Variants in ASCC3 observed in about 807,000 individuals in gnomAD.
ASCC3 encodes ASC-1 complex subunit P200.
In ASCC3, 158 loss-of-function variants were observed where a neutral mutation model predicts 256.3. The ratio of observed to expected loss-of-function variants is 0.62; its 90% CI spans 0.54 to 0.70. ASCC3 has a LOEUF of 0.70. Among genes scored for constraint, ASCC3 ranks in the 30% least tolerant of loss-of-function variants. ASCC3 has a pLI of 0.00. For missense variants in ASCC3, 2,259 were observed against 2,626.0 expected, an observed-to-expected ratio of 0.86 and a Z score of 3.05; for synonymous variants, 948 against 883.4, an observed-to-expected ratio of 1.07 and a Z score of -1.30.
At chr6:100,689,586 T>A (rs1191536453) in intron 13 of ASCC3, among the ~76,000 whole-genome samples, 2 of 152,192 alleles carry the variant, frequency 1.3e-5, no homozygotes, top group East Asian at 3.9e-4. Flanking sequence ...ATTGCTGAAA[T>A]TACAATGTTA....
At chr6:100,880,487 C>T (rs1769245278) in intron 1 of ASCC3, among the ~76,000 whole-genome samples, 1 of 152,188 alleles carries the variant, frequency 6.6e-6, no homozygotes, top group Non-Finnish European at 1.5e-5. Context: ...CACTGCATTC[C>T]ATGAGTAAGT....
chr6:100,861,567 G>A lies in ASCC3; in HGVS notation c.241+2497C>T, dbSNP rs530410829. Among the ~76,000 whole-genome samples the A allele has an allele frequency of 1.2e-3, 176 of 152,174 alleles. 1 individual carries two copies. Among genetic ancestry groups the A allele is most frequent in the African/African-American group, 3.4e-3 (140 of 41,528 alleles). On this transcript the variant is annotated intron_variant, in intron 3 of 41. Transcript: ENST00000369162. ...CCAGTATCAGCATTTTCATCCAGAA[G>A]GGACAGCTGACTACTACTCAACTTA... is the stretch of plus-strand genomic sequence containing the variant.
At chr6:100,619,122 G>A (rs1773817444) in intron 30 of ASCC3, among the ~76,000 whole-genome samples, 1 of 152,166 alleles carries the variant, frequency 6.6e-6, no homozygotes, top group Admixed American at 6.5e-5. Context: ...TTGTTCTATT[G>A]CCAGAATATA....
At chr6:100,824,402 C>A (rs1423470116) in intron 4 of ASCC3, among the ~76,000 whole-genome samples, 1 of 152,118 alleles carries the variant, frequency 6.6e-6, no homozygotes, top group Non-Finnish European at 1.5e-5. Flanking sequence ...AGACCTCATT[C>A]AAATGAGAAA....
intron 36 of ASCC3, among the ~76,000 whole-genome samples, chr6:100,576,578 G>A (rs570039603): frequency 1.4e-3 from 213 of 151,966 alleles, no homozygotes; most frequent in African/African-American, 4.8e-3. Context: ...ATTCAATTTC[G>A]TTATTTATAT....
intron 4 of ASCC3, among the ~76,000 whole-genome samples, chr6:100,844,555 C>T (rs1444452756): frequency 6.6e-6 from 1 of 152,010 alleles, no homozygotes; most frequent in Non-Finnish European, 1.5e-5. Flanking sequence ...AAGAAAATAA[C>T]ATGGAATATT....
At chr6:100,661,709 TA>T in intron 16 of ASCC3, 96 bp downstream of exon 16, 1 of 1,273,162 alleles carries the variant, frequency 7.9e-7, no homozygotes, top group Non-Finnish European at 1.1e-6. Context: ...GCTGTAATCC[TA>T]AACACTACAA....
intron 13 of ASCC3, among the ~76,000 whole-genome samples, chr6:100,684,842 T>C (rs1178936544): frequency 6.9e-6 from 1 of 144,596 alleles, no homozygotes; most frequent in Non-Finnish European, 1.5e-5. Context: ...AGTCTCCCTC[T>C]GTCACCCAGG....
In ASCC3 at chr6:100,510,053, C is replaced by G; in HGVS notation, c.6340G>C (p.Gly2114Arg). The G allele has an allele frequency of 6.2e-7, 1 of 1,614,154 alleles. No individual in the cohort carries two copies. ...TPRFPKSKDE[G>R]WFLILGEVDK... Reference sequence around the variant, plus strand: ...ACTTCTCCTAATATCAAAAACCATCCTTCGTCTTTTGATTTGGGAAATCGA... The same window carrying G: ...ACTTCTCCTAATATCAAAAACCATCGTTCGTCTTTTGATTTGGGAAATCGA... The change falls in exon 41 of 42, where the codon GGA becomes CGA. Residue 2114 changes from glycine (G) to arginine (R), a missense_variant. Physicochemically the swap from Gly to Arg is moderately radical, Grantham distance 125. Transcript: ENST00000369162.
chr6:100,800,255 C>A (rs779821536), intron 6 of ASCC3, 45 bp downstream of exon 6: 1 of 1,579,232 alleles, frequency 6.3e-7, no homozygotes, highest in Non-Finnish European at 8.7e-7. Flanking sequence ...TATGTAAAAG[C>A]AGCAATTACA....
intron 3 of ASCC3, among the ~76,000 whole-genome samples, chr6:100,851,547 C>CT (rs1208133916): frequency 9.9e-5 from 15 of 152,214 alleles, no homozygotes; most frequent in Admixed American, 3.9e-4. Context: ...CAAAGATCAA[C>CT]TTTTTTGGAG....
chr6:100,768,606 G>C (rs1781775547), intron 8 of ASCC3, among the ~76,000 whole-genome samples: 1 of 152,040 alleles, frequency 6.6e-6, no homozygotes, highest in Non-Finnish European at 1.5e-5. Flanking sequence ...ACATGCAAAG[G>C]GAAATAGGCA....
chr6:100,700,959 G>T (rs1226135395), intron 13 of ASCC3, among the ~76,000 whole-genome samples: 1 of 152,136 alleles, frequency 6.6e-6, no homozygotes, highest in Non-Finnish European at 1.5e-5. Context: ...TGTTGGGAAG[G>T]CATGATTGGT....
At position 100,640,802 on chromosome 6, in the gene ASCC3, C is replaced by T. The variant is rs147266197; in HGVS notation, c.3901+1779G>A. ...AATTAAGCCAAAGTATAAAGTATCTCTCTTTAAGATAAGCTAAGATAATGA... is the reference window on the plus strand; with the variant it reads ...AATTAAGCCAAAGTATAAAGTATCTTTCTTTAAGATAAGCTAAGATAATGA... On this transcript the variant is annotated intron_variant, in intron 24 of 41. Coordinates refer to ENST00000369162, the MANE Select transcript of ASCC3 (RefSeq NM_006828.4). Among the ~76,000 whole-genome samples the T allele has an allele frequency of 5.6e-4, 85 of 152,244 alleles. 1 individual carries two copies. Among genetic ancestry groups the T allele is most frequent in the African/African-American group, 1.9e-3 (81 of 41,554 alleles).
At chr6:100,706,740 C>T (rs1778606119) in intron 13 of ASCC3, among the ~76,000 whole-genome samples, 1 of 152,002 alleles carries the variant, frequency 6.6e-6, no homozygotes, top group Non-Finnish European at 1.5e-5. Context: ...CAAGTAGAAA[C>T]CTTAAACAGA....
At chr6:100,633,306 AG>A (rs1449193773) in intron 25 of ASCC3, among the ~76,000 whole-genome samples, 2 of 152,118 alleles carry the variant, frequency 1.3e-5, no homozygotes, top group African/African-American at 4.8e-5. Context: ...CTAGTCACTT[AG>A]TAACTGTCTT....
intron 37 of ASCC3, chr6:100,530,990 A>G (rs1225627982): frequency 1.3e-6 from 2 of 1,592,028 alleles, no homozygotes; most frequent in South Asian, 1.1e-5. Context: ...GCCTGTTCTT[A>G]TTGATGACTT....
At chr6:100,643,355 T>C (rs1775222366) in intron 23 of ASCC3, among the ~76,000 whole-genome samples, 1 of 152,184 alleles carries the variant, frequency 6.6e-6, no homozygotes, top group South Asian at 2.1e-4. Context: ...AGAAATGCTC[T>C]TTTAATCCAA....
chr6:100,828,092 T>TATA (rs1771412839), intron 4 of ASCC3, among the ~76,000 whole-genome samples: 1 of 125,354 alleles, frequency 8.0e-6, no homozygotes, highest in Non-Finnish European at 1.6e-5. Flanking sequence ...CAGTATTTTC[T>TATA]AAAAAAAAAA....
Sources: gnomAD v4.1 joint callset for allele counts (sites outside exome capture counted in the v4.1 genomes callset) on GRCh38, gnomAD v4.1.1 for gene constraint, MANE v1.5 for transcripts, NCBI Gene and HGNC (gene_info 2026-07-23, HGNC 2026-07-21) for gene names.